The following LARGE1 variants were observed in gnomAD, a reference collection of about 807,000 sequenced individuals.
LARGE1 encodes LARGE xylosyl- and glucuronyltransferase 1.
A neutral mutation model predicts 87.6 loss-of-function variants in LARGE1; 43 were observed. The observed-to-expected ratio is 0.49, with a 90% CI of 0.38 to 0.63. The LOEUF (loss-of-function observed/expected upper bound fraction) is 0.63, where lower values mean the gene tolerates loss of function less well. LARGE1 is among the 30% of genes least tolerant of loss of function. The probability of loss-of-function intolerance (pLI) is 0.00; values close to 1 mark genes in which losing one functional copy is unlikely to be tolerated. For synonymous variants in LARGE1, 434 were observed against 394.6 expected (o/e 1.10, Z -1.18); for missense variants, 802 against 1,000.2 (o/e 0.80, Z 2.67).
At chr22:33,538,660 A>C (rs1044968705) in intron 6 of LARGE1, among the ~76,000 whole-genome samples, 36 of 152,148 alleles carry the variant, frequency 2.4e-4, no homozygotes, top group African/African-American at 8.4e-4. Flanking sequence ...AAGGAAAATG[A>C]GATGTAAGGC....
chr22:33,772,228 G>C (rs2085092941), intron 1 of LARGE1, among the ~76,000 whole-genome samples: 1 of 152,068 alleles, frequency 6.6e-6, no homozygotes, highest in Non-Finnish European at 1.5e-5. Flanking sequence ...AGCTACTCGG[G>C]AAGCTGAGGC....
rs773210756 is a variant in LARGE1, at chr22:33,761,403, G to A, written c.74C>T (p.Thr25Ile). Residue 25 changes from threonine to isoleucine, a missense_variant, in exon 2 of 15, where the codon ACC becomes ATC. Around this residue, in one of 2 missense-constraint regions of LARGE1, gnomAD observed 177 missense variants for 158.3 expected, o/e 1.12. Coordinates refer to ENST00000397394, the MANE Select transcript of LARGE1 (RefSeq NM_133642.5). ...GCTCCCAGAAAACAGGTAAATCCAG[G>A]TGATGGCTGGGATGCAGAGAAGACT... is the stretch of plus-strand genomic sequence containing the variant. Reference protein sequence around the residue: ...SLSLLCIPAITWIYLFSGSFE... With the variant: ...SLSLLCIPAIIWIYLFSGSFE... The A allele has an allele frequency of 1.9e-6, 3 of 1,613,762 alleles. No individual in the cohort carries two copies. The highest frequency in any genetic ancestry group is 3.3e-5 in the Admixed American group (2 of 59,984).
chr22:33,075,788 C>T, the LARGE1 span, among the ~76,000 whole-genome samples: 1 of 152,138 alleles, frequency 6.6e-6, no homozygotes, highest in Admixed American at 6.5e-5. Flanking sequence ...AAAGATGCTT[C>T]TCATAGCTGT....
intron 6 of LARGE1, among the ~76,000 whole-genome samples, chr22:33,478,547 G>A (rs936021541): frequency 6.6e-6 from 1 of 152,240 alleles, no homozygotes; most frequent in East Asian, 1.9e-4. Flanking sequence ...GCAGAAAGAT[G>A]AAGAGGTCAA....
intron 12 of LARGE1, 149 bp from the exon 13 acceptor site, chr22:33,283,497 C>CA: frequency 1.2e-6 from 1 of 842,610 alleles, no homozygotes; most frequent in Non-Finnish European, 1.9e-6. Context: ...GAAACTGGGC[C>CA]AGGTGCGATG....
At chr22:33,405,941 A>ACC (rs1415133891) in intron 7 of LARGE1, among the ~76,000 whole-genome samples, 14 of 152,210 alleles carry the variant, frequency 9.2e-5, no homozygotes, top group African/African-American at 3.4e-4. Flanking sequence ...CAGAGTCTGG[A>ACC]ATCTTCGGAA....
At chr22:33,906,729 C>G (rs961548819) in intron 1 of LARGE1, among the ~76,000 whole-genome samples, 4 of 152,180 alleles carry the variant, frequency 2.6e-5, no homozygotes, top group African/African-American at 9.6e-5. Flanking sequence ...CAACCATTTG[C>G]TTTTACCTTC....
chr22:33,882,123 A>C (rs1363024339), intron 1 of LARGE1, among the ~76,000 whole-genome samples: 1 of 150,596 alleles, frequency 6.6e-6, no homozygotes, highest in Non-Finnish European at 1.5e-5. Context: ...GCTCACCGCA[A>C]GCTCCGCCTC....
At chr22:33,689,171 C>T (rs913893642) in intron 2 of LARGE1, among the ~76,000 whole-genome samples, 1 of 151,516 alleles carries the variant, frequency 6.6e-6, no homozygotes. Context: ...CTCTCTCCCC[C>T]CTCCTGTGTG....
intron 5 of LARGE1, among the ~76,000 whole-genome samples, chr22:33,592,692 CACT>C (rs1335422276): frequency 6.8e-6 from 1 of 147,906 alleles, no homozygotes; most frequent in Non-Finnish European, 1.5e-5. Context: ...ACTCTGTACA[CACT>C]GTCTGCCCCT....
Position 33,337,718 on chromosome 22 carries a change from C to T in LARGE1, c.1215G>A (p.Leu405=), listed in dbSNP as rs368009890. ...GCCTCAGAAGATTGCCGTCATACTC[C>T]AGGAAGGTCAGGTAGAGGTTGCGAA... ...EFFRNLYLTF[L]EYDGNLLRRE... Residue 405 remains leucine, a synonymous_variant, in exon 10 of 15, where the codon CTG becomes CTA. Coordinates refer to ENST00000397394, the MANE Select transcript of LARGE1 (RefSeq NM_133642.5). 46 of 1,614,028 alleles carry T rather than the reference C, an allele frequency of 2.9e-5. No individual in the cohort carries two copies. Among genetic ancestry groups the T allele is most frequent in the Non-Finnish European group, 3.7e-5 (44 of 1,180,038 alleles).
intron 1 of LARGE1, among the ~76,000 whole-genome samples, chr22:33,842,016 G>A (rs1366888431): frequency 6.6e-6 from 1 of 152,132 alleles, no homozygotes; most frequent in African/African-American, 2.4e-5. Context: ...ACTGCCAACA[G>A]GACTTCAAAG....
Position 33,613,598 on chromosome 22 carries a change from T to G in LARGE1, c.492-9040A>C, listed in dbSNP as rs192819978. On this transcript the variant is annotated intron_variant, in intron 4 of 14. Coordinates refer to ENST00000397394, the MANE Select transcript of LARGE1 (RefSeq NM_133642.5). ...ACCTCCGCCTCCTGGGTTCAGGAGA[T>G]TCTCCTGCCTCAGCCTCCTGAGTAG... 4.8e-3 allele frequency among the ~76,000 whole-genome samples: 726 copies of G among 152,286 alleles called. 6 individuals carry two copies. Among genetic ancestry groups the G allele is most frequent in the South Asian group, 0.03 (143 of 4,820 alleles).
rs572288082 is a variant in LARGE1 at position 33,591,093 on chromosome 22, C to T, written c.615+13342G>A. ...GTGGGTGCCTGTAATTCCAGCTATT[C>T]GGGAGGCTGAGGCAGAAGAATCGCT... On this transcript the variant is annotated intron_variant, in intron 5 of 14. Coordinates refer to ENST00000397394, the MANE Select transcript of LARGE1 (RefSeq NM_133642.5). Among the ~76,000 whole-genome samples, 342 of 152,214 alleles carry T rather than the reference C, an allele frequency of 2.2e-3. 2 individuals carry two copies. Among genetic ancestry groups the T allele is most frequent in the African/African-American group, 7.8e-3 (326 of 41,546 alleles).
At chr22:33,298,097 T>G (rs1933598117) in intron 12 of LARGE1, among the ~76,000 whole-genome samples, 1 of 152,152 alleles carries the variant, frequency 6.6e-6, no homozygotes, top group African/African-American at 2.4e-5. Context: ...GTCCAGGTCT[T>G]GGAAATGCCA....
At chr22:33,537,179 G>A (rs1279457968) in intron 6 of LARGE1, among the ~76,000 whole-genome samples, 2 of 152,332 alleles carry the variant, frequency 1.3e-5, no homozygotes, top group East Asian at 3.9e-4. Context: ...CAAATGACGT[G>A]GCTTGAAATC....
chr22:33,127,800 C>T, the LARGE1 span, among the ~76,000 whole-genome samples: 2 of 152,154 alleles, frequency 1.3e-5, no homozygotes, highest in African/African-American at 4.8e-5. Context: ...CCACATATCC[C>T]TTTCTGAAAG....
rs115519218 is a variant in LARGE1, at chr22:33,313,528, T to C, written c.1451+2557A>G. ...TCGCCCTCTTGGGTGTGGGCAGGGC[T>C]TCTGAATATCACATTGTGATCATGT... On this transcript the variant is annotated intron_variant, in intron 11 of 14. Transcript: ENST00000397394. 9.1e-3 allele frequency among the ~76,000 whole-genome samples: 1,392 copies of C among 152,324 alleles called. 24 individuals are homozygous for C. The highest frequency in any genetic ancestry group is 0.032 in the African/African-American group (1,332 of 41,570).
intron 1 of LARGE1, among the ~76,000 whole-genome samples, chr22:33,917,986 T>C (rs1254003968): frequency 6.6e-6 from 1 of 152,140 alleles, no homozygotes; most frequent in Non-Finnish European, 1.5e-5. Context: ...TCCCCCCTAG[T>C]GTCCTGCTAC....
Sources: allele counts gnomAD v4.1 joint callset (sites outside exome capture counted in the v4.1 genomes callset), GRCh38; gene constraint gnomAD v4.1.1; regional missense constraint gnomAD v4.1.1; transcripts MANE v1.5; gene names NCBI Gene and HGNC (gene_info 2026-07-23, HGNC 2026-07-21).